CPQ: variants seen among roughly 807,000 people sequenced by gnomAD.
CPQ encodes Ser-Met dipeptidase.
Under a neutral mutation model 45.7 loss-of-function variants are expected in CPQ, and 37 were observed. That is an observed-to-expected ratio of 0.81 (90% CI 0.62 to 1.07). The LOEUF (loss-of-function observed/expected upper bound fraction) is 1.07, where lower values mean the gene tolerates loss of function less well. Ranked by LOEUF, CPQ falls within the 50% of genes least tolerant of loss-of-function variation. The pLI is 0.00. For synonymous variants in CPQ, 186 were observed against 205.8 expected, an observed-to-expected ratio of 0.90 and a Z score of 0.82; for missense variants, 537 against 572.9, an observed-to-expected ratio of 0.94 and a Z score of 0.64.
At chr8:96,766,640 A>G (rs867253906) in intron 1 of CPQ, among the ~76,000 whole-genome samples, 1 of 152,194 alleles carries the variant, frequency 6.6e-6, no homozygotes, top group African/African-American at 2.4e-5. Context: ...GTAATGAAGT[A>G]GAGAGGAGAG....
chr8:96,750,417 A>T (rs533688852), intron 1 of CPQ, among the ~76,000 whole-genome samples: 1 of 152,160 alleles, frequency 6.6e-6, no homozygotes, highest in Non-Finnish European at 1.5e-5. Flanking sequence ...GGAACAGAGT[A>T]CATGTGTGAT....
chr8:96,802,167 C>T (rs551722779), intron 2 of CPQ, among the ~76,000 whole-genome samples: 1 of 151,680 alleles, frequency 6.6e-6, no homozygotes, highest in Non-Finnish European at 1.5e-5. Flanking sequence ...TTTTTTTCCC[C>T]TCTCCTAGTT....
intron 2 of CPQ, among the ~76,000 whole-genome samples, chr8:96,834,194 G>C (rs1811495867): frequency 1.3e-5 from 2 of 152,164 alleles, no homozygotes; most frequent in Admixed American, 6.5e-5. Flanking sequence ...GTGAAACCCT[G>C]TTCCCTAATC....
intron 7 of CPQ, among the ~76,000 whole-genome samples, chr8:97,073,234 A>C (rs2513404): frequency 0.77 from 117,619 of 152,138 alleles, 45,580 homozygotes; most frequent in African/African-American, 0.79. Context: ...TGGCATTAAG[A>C]AGAACTAAAT....
At chr8:97,068,757 G>A (rs1482708137) in intron 7 of CPQ, among the ~76,000 whole-genome samples, 2 of 152,166 alleles carry the variant, frequency 1.3e-5, no homozygotes, top group African/African-American at 4.8e-5. Context: ...TATGAAGGAG[G>A]TACAATTATC....
intron 2 of CPQ, among the ~76,000 whole-genome samples, chr8:96,807,223 T>TG (rs1037658876): frequency 2.9e-5 from 3 of 103,806 alleles, no homozygotes; most frequent in African/African-American, 9.8e-5. Context: ...AAAACTGCTG[T>TG]TTTTTTTTTA....
intron 6 of CPQ, among the ~76,000 whole-genome samples, chr8:97,057,431 C>T (rs551654983): frequency 7.9e-5 from 12 of 152,090 alleles, no homozygotes; most frequent in Admixed American, 2.6e-4. Flanking sequence ...TAGAACTGAG[C>T]GCTAGAAAAA....
At chr8:96,651,263 C>T (rs573045789) in intron 1 of CPQ, among the ~76,000 whole-genome samples, 4 of 152,310 alleles carry the variant, frequency 2.6e-5, no homozygotes, top group South Asian at 2.1e-4. Context: ...TTGAGTCTGA[C>T]AGTTAGACCA....
chr8:96,877,428 A>T (rs1812160960), intron 3 of CPQ, among the ~76,000 whole-genome samples: 1 of 152,198 alleles, frequency 6.6e-6, no homozygotes, highest in Admixed American at 6.5e-5. Flanking sequence ...CCTGTTAAGA[A>T]GTGTTATACT....
chr8:96,794,023 C>T (rs1181957565), intron 2 of CPQ, among the ~76,000 whole-genome samples: 1 of 152,160 alleles, frequency 6.6e-6, no homozygotes, highest in African/African-American at 2.4e-5. Context: ...TTTCCAGGTG[C>T]ACGGTGCAAG....
In CPQ at chr8:96,944,683, G is replaced by A. The variant is rs76359042; in HGVS notation, c.850-21252G>A. 2.1e-3 allele frequency among the ~76,000 whole-genome samples: 320 copies of A among 152,230 alleles called. 2 individuals are homozygous for A. Among genetic ancestry groups the A allele is most frequent in the Non-Finnish European group, 3.5e-3 (236 of 67,996 alleles). On this transcript the variant is annotated intron_variant, in intron 4 of 7. Transcript: ENST00000220763. Reference sequence around the variant, plus strand: ...GTTGAACAAACGGCATTAATTTCCAGTGCACATGTGGATCTGAGTTTTAAA... The same window carrying A: ...GTTGAACAAACGGCATTAATTTCCAATGCACATGTGGATCTGAGTTTTAAA...
chr8:97,107,827 C>A (rs1474531689), intron 7 of CPQ, among the ~76,000 whole-genome samples: 3 of 151,236 alleles, frequency 2.0e-5, no homozygotes, highest in Non-Finnish European at 2.9e-5. Flanking sequence ...TGAGAACAAT[C>A]CAGTAGAGTG....
chr8:96,646,994 C>CT (rs919399515), intron 1 of CPQ, among the ~76,000 whole-genome samples: 5 of 152,148 alleles, frequency 3.3e-5, no homozygotes, highest in African/African-American at 7.2e-5. Flanking sequence ...CTGGGTCTGA[C>CT]TTTTTTCCAG....
chr8:96,757,354 GATAATAATA>G (rs3036414), intron 1 of CPQ, among the ~76,000 whole-genome samples: 61,841 of 139,148 alleles, frequency 0.44, 14,063 homozygotes, highest in East Asian at 0.65. Context: ...CCATCTCAAT[GATAATAATA>G]ATAATAATAA....
intron 1 of CPQ, among the ~76,000 whole-genome samples, chr8:96,770,174 A>T (rs1810522329): frequency 6.6e-6 from 1 of 152,060 alleles, no homozygotes; most frequent in Non-Finnish European, 1.5e-5. Flanking sequence ...TGGCCATATG[A>T]TGTCTGAGAG....
chr8:97,004,269 T>C (rs1206188812), intron 5 of CPQ, among the ~76,000 whole-genome samples: 1 of 150,164 alleles, frequency 6.7e-6, no homozygotes, highest in Non-Finnish European at 1.5e-5. Flanking sequence ...AAATAAATAA[T>C]TTGTAAAAAA....
At chr8:96,730,870 T>TAC (rs1563481737) in intron 1 of CPQ, among the ~76,000 whole-genome samples, 4 of 33,786 alleles carry the variant, frequency 1.2e-4, no homozygotes, top group African/African-American at 2.7e-4. Flanking sequence ...TACATACATA[T>TAC]ATATATATAT....
intron 4 of CPQ, among the ~76,000 whole-genome samples, chr8:96,934,669 G>GC (rs574696728): frequency 6.6e-6 from 1 of 152,028 alleles, no homozygotes; most frequent in African/African-American, 2.4e-5. Context: ...GGCTAAACAA[G>GC]CCCCCCACTC....
chr8:96,838,824 C>T (rs1393479228), intron 3 of CPQ, among the ~76,000 whole-genome samples: 3 of 152,040 alleles, frequency 2.0e-5, no homozygotes, highest in Non-Finnish European at 2.9e-5. Context: ...GCTCTTTGTC[C>T]GAACTATGTA....
Sources: gnomAD v4.1 joint callset for allele counts (sites outside exome capture counted in the v4.1 genomes callset) on GRCh38, gnomAD v4.1.1 for gene constraint, MANE v1.5 for transcripts, NCBI Gene and HGNC (gene_info 2026-07-23, HGNC 2026-07-21) for gene names.